Variants in UTRN observed in about 807,000 individuals in gnomAD.
The protein encoded by UTRN is utrophin, also known as dystrophin-related protein 1.
UTRN carries 283 observed loss-of-function variants against 463.9 expected under a neutral mutation model. The ratio of observed to expected loss-of-function variants is 0.61; its 90% CI spans 0.55 to 0.67. The LOEUF is 0.67. Ranked by LOEUF, UTRN falls within the 30% of genes least tolerant of loss-of-function variation. The pLI is 0.00. For missense variants in UTRN, 3,922 were observed against 4,084.3 expected (o/e 0.96, Z 1.08); for synonymous variants, 1,442 against 1,431.5 (o/e 1.01, Z -0.17).
At chr6:144,657,045 G>T (rs187033488) in intron 51 of UTRN, among the ~76,000 whole-genome samples, 1 of 152,178 alleles carries the variant, frequency 6.6e-6, no homozygotes, top group Non-Finnish European at 1.5e-5. Flanking sequence ...GAGGTCAGGA[G>T]TTCGAGACCA....
At position 144,330,705 on chromosome 6, in the gene UTRN, C is replaced by G. The variant is rs79823109; in HGVS notation, c.79+38798C>G. 1,928 of 522,654 alleles carry G rather than the reference C, an allele frequency of 3.7e-3. 32 individuals carry two copies. In the African/African-American group the frequency reaches 0.037, roughly 10 times the overall value. 32.4% of individuals were successfully genotyped at this position (522,654 alleles called of 1,614,324 possible). A position where few individuals can be genotyped will look rare whatever the true frequency, so the allele number is the denominator to read the frequency against. On this transcript the variant is annotated intron_variant, in intron 2 of 74. Coordinates refer to ENST00000367545, the MANE Select transcript of UTRN (RefSeq NM_007124.3). The stretch of plus-strand genomic sequence containing the variant: ...TCTTCAGATTTTAAGGCGACAGGCT[C>G]CACACCTGGCAGAGGCTCAGACAGA...
At chr6:144,538,301 T>G (rs909458488) in intron 44 of UTRN, among the ~76,000 whole-genome samples, 1 of 151,864 alleles carries the variant, frequency 6.6e-6, no homozygotes, top group Non-Finnish European at 1.5e-5. Context: ...TTCATAAATA[T>G]TTATTTTTTG....
chr6:144,356,983 T>C (rs1778616735), intron 2 of UTRN, among the ~76,000 whole-genome samples: 1 of 152,182 alleles, frequency 6.6e-6, no homozygotes, highest in African/African-American at 2.4e-5. Context: ...AGTTACATTT[T>C]TTTGTAAGAT....
chr6:144,643,505 G>A (rs940836957), intron 51 of UTRN, among the ~76,000 whole-genome samples: 1 of 152,044 alleles, frequency 6.6e-6, no homozygotes, highest in Admixed American at 6.6e-5. Flanking sequence ...TTAAAAATTT[G>A]TGTTAATTGG....
intron 51 of UTRN, among the ~76,000 whole-genome samples, chr6:144,595,267 T>C (rs1803523825): frequency 6.6e-6 from 1 of 152,198 alleles, no homozygotes; most frequent in Non-Finnish European, 1.5e-5. Flanking sequence ...TATGCAGAGC[T>C]GGAGTATTAT....
At chr6:144,610,722 A>G (rs1201688927) in intron 51 of UTRN, among the ~76,000 whole-genome samples, 1 of 152,188 alleles carries the variant, frequency 6.6e-6, no homozygotes, top group East Asian at 1.9e-4. Context: ...TAAAAATACA[A>G]AAATTAGCCG....
intron 65 of UTRN, among the ~76,000 whole-genome samples, chr6:144,803,753 T>A (rs754416667): frequency 6.6e-6 from 1 of 152,062 alleles, no homozygotes; most frequent in South Asian, 2.1e-4. Flanking sequence ...AATTTTCTGA[T>A]GTTATAAATA....
intron 2 of UTRN, among the ~76,000 whole-genome samples, chr6:144,329,371 G>A (rs9496934): frequency 0.067 from 10,246 of 152,104 alleles, 1,159 homozygotes; most frequent in African/African-American, 0.23. Flanking sequence ...ATGAGGCACC[G>A]CACCCAGCCT....
rs1357885415 is a variant in UTRN, at chr6:144,383,290, G to T, written c.80-19833G>T. 2.0e-5 allele frequency among the ~76,000 whole-genome samples: 3 copies of T among 152,148 alleles called. No homozygotes were observed. The East Asian group carries it at 5.8e-4, about 29-fold the overall frequency. On this transcript the variant is annotated intron_variant, in intron 2 of 74. Transcript: ENST00000367545. ...CTGGAACATCCAACTCCAACTTGTA[G>T]ACCAGAAATACTCCTGAATTTCTTT...
Position 144,678,431 on chromosome 6 carries a change from A to T in UTRN, c.7505A>T (p.His2502Leu). The T allele has an allele frequency of 6.2e-7, 1 of 1,612,772 alleles. No individual in the cohort carries two copies. The highest frequency in any genetic ancestry group is 1.1e-5 in the South Asian group (1 of 90,952). The part of the protein sequence containing the change: ...MQDIQAEIDA[H>L]NDIFKSIDGN... ...GACATCCAGGCAGAAATTGATGCCC[A>T]CAATGACATATTTAAAAGCATTGAC... The change falls in exon 52 of 75, where the codon CAC (histidine) becomes CTC (leucine). Residue 2502 changes from histidine (H) to leucine (L), a missense_variant. Coordinates refer to ENST00000367545, the MANE Select transcript of UTRN (RefSeq NM_007124.3).
At chr6:144,726,417 A>C (rs959385956) in intron 53 of UTRN, among the ~76,000 whole-genome samples, 1 of 152,054 alleles carries the variant, frequency 6.6e-6, no homozygotes, top group Admixed American at 6.5e-5. Context: ...GCAAGACTCA[A>C]TTTACGCACC....
chr6:144,445,351 CAAA>C (rs11419379), intron 14 of UTRN, among the ~76,000 whole-genome samples: 1 of 106,532 alleles, frequency 9.4e-6, no homozygotes, highest in Admixed American at 1.2e-4. Flanking sequence ...GACTCCCTCT[CAAA>C]AAAAAAAAAA....
intron 39 of UTRN, among the ~76,000 whole-genome samples, chr6:144,518,003 T>TAGGC (rs970968929): frequency 2.0e-5 from 3 of 152,214 alleles, no homozygotes; most frequent in African/African-American, 7.2e-5. Context: ...TCACACTGAG[T>TAGGC]AGGCATTAAA....
At chr6:144,508,245 A>G (rs1005664988) in intron 34 of UTRN, among the ~76,000 whole-genome samples, 5 of 150,994 alleles carry the variant, frequency 3.3e-5, no homozygotes, top group South Asian at 2.1e-4. Flanking sequence ...AGGGGAGTGA[A>G]TGGTTCTGTC....
chr6:144,422,201 T>C (rs1333018078), intron 4 of UTRN, among the ~76,000 whole-genome samples: 1 of 152,214 alleles, frequency 6.6e-6, no homozygotes, highest in Non-Finnish European at 1.5e-5. Flanking sequence ...CTTAAATGTT[T>C]ATTGCTCTGA....
At position 144,700,196 on chromosome 6, in the gene UTRN, A is replaced by C. The variant is rs566729770; in HGVS notation, c.7762A>C (p.Ile2588Leu). 1 of 1,613,648 alleles carries C rather than the reference A, an allele frequency of 6.2e-7. No homozygotes were observed. Among genetic ancestry groups the C allele is most frequent in the South Asian group, 1.1e-5 (1 of 91,066 alleles). ...KDEELKKQMPIGGDVPALQLQ... is the reference protein window; with the variant it reads ...KDEELKKQMPLGGDVPALQLQ... ...TGAAGAGCTTAAGAAACAAATGCCT[A>C]TTGGAGGAGATGTTCCAGCCTTACA... Residue 2588 changes from isoleucine (I) to leucine (L), a missense_variant, in exon 53 of 75, where the codon ATT becomes CTT. Ile to Leu is a conservative substitution (Grantham distance 5, BLOSUM62 2). This residue lies in a region of UTRN where 1,309 missense variants were observed against 1,452.6 expected (regional missense o/e 0.90). Transcript: ENST00000367545.
At chr6:144,322,560 A>G (rs2114586502) in intron 2 of UTRN, among the ~76,000 whole-genome samples, 1 of 152,304 alleles carries the variant, frequency 6.6e-6, no homozygotes, top group Admixed American at 6.5e-5. Context: ...GAAATTAAAG[A>G]CACTTTGACT....
At chr6:144,580,889 C>T (rs1801908487) in intron 51 of UTRN, among the ~76,000 whole-genome samples, 1 of 152,098 alleles carries the variant, frequency 6.6e-6, no homozygotes, top group Non-Finnish European at 1.5e-5. Context: ...ATGTAGCCAT[C>T]CAGGCTACAG....
At chr6:144,428,951 A>G in intron 8 of UTRN, 58 bp downstream of exon 8, 1 of 1,137,654 alleles carries the variant, frequency 8.8e-7, no homozygotes, top group East Asian at 2.5e-5. Context: ...GCATTCTTGA[A>G]AAGCAGTGTT....
Sources: gnomAD v4.1 joint callset for allele counts (sites outside exome capture counted in the v4.1 genomes callset) on GRCh38, gnomAD v4.1.1 for gene constraint, gnomAD v4.1.1 regional missense constraint, MANE v1.5 for transcripts, NCBI Gene and HGNC (gene_info 2026-07-23, HGNC 2026-07-21) for gene names.